Variants in ADIPOR2 observed in about 807,000 individuals in gnomAD.
ADIPOR2 encodes adiponectin receptor protein 2.
Under a neutral mutation model 40.9 loss-of-function variants are expected in ADIPOR2, and 18 were observed. That is an observed-to-expected ratio of 0.44 (90% confidence interval 0.30 to 0.65). The LOEUF is 0.65. Ranked by LOEUF, ADIPOR2 falls within the 30% of genes least tolerant of loss-of-function variation. ADIPOR2 has a pLI of 0.09. For missense variants in ADIPOR2, 283 were observed against 479.2 expected, an observed-to-expected ratio of 0.59 and a Z score of 3.82; for synonymous variants, 165 against 166.4, an observed-to-expected ratio of 0.99 and a Z score of 0.06.
chr12:1,755,828 C>T (rs118185878), intron 2 of ADIPOR2, among the ~76,000 whole-genome samples: 2,241 of 151,942 alleles, frequency 0.015, 21 homozygotes, highest in Middle Eastern at 0.051. Context: ...AATTAAAGAT[C>T]AAAATAGAAT....
intron 1 of ADIPOR2, among the ~76,000 whole-genome samples, chr12:1,715,520 G>A (rs1165118106): frequency 6.6e-6 from 1 of 152,106 alleles, no homozygotes; most frequent in African/African-American, 2.4e-5. Flanking sequence ...TCTCAACCCC[G>A]AGTTATCGTG....
chr12:1,732,087 G>A (rs2094721737), intron 1 of ADIPOR2, among the ~76,000 whole-genome samples: 1 of 151,580 alleles, frequency 6.6e-6, no homozygotes, highest in African/African-American at 2.4e-5. Context: ...ATATCTACCC[G>A]CTGCTTGGTA....
intron 1 of ADIPOR2, among the ~76,000 whole-genome samples, chr12:1,710,777 A>G (rs767784012): frequency 2.0e-5 from 3 of 152,102 alleles, no homozygotes; most frequent in African/African-American, 7.3e-5. Flanking sequence ...AGGTCAGCCA[A>G]AGGTTCAGTG....
rs1316256640 is a variant in ADIPOR2 at position 1,786,338 on chromosome 12, G to C, written c.*266G>C. Reference sequence around the variant, plus strand: ...CTTATTCTTGGGATCTACTGATTGCGGGCTCTGCAAGACCCTTGGCAAACT... The same window carrying C: ...CTTATTCTTGGGATCTACTGATTGCCGGCTCTGCAAGACCCTTGGCAAACT... On this transcript the variant is annotated 3_prime_UTR_variant, in exon 8 of 8. Transcript: ENST00000357103. 2.5e-5 allele frequency: 10 copies of C among 399,918 alleles called. No homozygotes were observed. The highest frequency in any genetic ancestry group is 4.4e-5 in the Non-Finnish European group (10 of 225,112). 24.8% of individuals were successfully genotyped at this position (399,918 alleles called of 1,614,324 possible).
At position 1,755,113 on chromosome 12, in the gene ADIPOR2, T is replaced by C. The variant is rs1442592160; in HGVS notation, c.171+599T>C. On this transcript the variant is annotated intron_variant, in intron 2 of 7. Transcript: ENST00000357103. ...TTTTAATTTCGGAGACGGAGTCTTG[T>C]TCTGTCGCCAGGCTGGAGTGCAGTG... Among the ~76,000 whole-genome samples the C allele has an allele frequency of 9.8e-3, 1,085 of 110,392 alleles. 8 individuals carry two copies. Among genetic ancestry groups the C allele is most frequent in the Middle Eastern group, 0.019 (4 of 212 alleles). 72.4% of individuals were successfully genotyped at this position (110,392 alleles called of 152,430 possible).
chr12:1,773,516 C>CTTTT (rs34995304), intron 3 of ADIPOR2, among the ~76,000 whole-genome samples: 1 of 123,718 alleles, frequency 8.1e-6, no homozygotes, highest in Non-Finnish European at 1.7e-5. Context: ...TTATGGGATT[C>CTTTT]TTTTTTTTTT....
In ADIPOR2 at chr12:1,766,501, AT is replaced by A. The variant is rs1216359724; in HGVS notation, c.172-6337del. ...TTTTTGCAATTTATATCAGTTTCAAATTTTGTGTAATGTTGTGTACTGGTTG... is the reference window on the plus strand; with the variant it reads ...TTTTTGCAATTTATATCAGTTTCAAATTTGTGTAATGTTGTGTACTGGTTG... On this transcript the variant is annotated intron_variant, in intron 2 of 7. Transcript: ENST00000357103. Among the ~76,000 whole-genome samples, 5 of 152,152 alleles carry A rather than the reference AT, an allele frequency of 3.3e-5. No homozygotes were observed. The South Asian group carries it at 1.0e-3, about 32-fold the overall frequency.
intron 1 of ADIPOR2, among the ~76,000 whole-genome samples, chr12:1,739,048 T>A (rs1484062075): frequency 6.6e-6 from 1 of 152,158 alleles, no homozygotes; most frequent in Non-Finnish European, 1.5e-5. Flanking sequence ...TTAAAAAAAC[T>A]TCAAAAAATT....
chr12:1,739,375 CCT>C (rs2154442854), intron 1 of ADIPOR2, among the ~76,000 whole-genome samples: 1 of 152,236 alleles, frequency 6.6e-6, no homozygotes, highest in Admixed American at 6.5e-5. Context: ...TTGAGATTTC[CCT>C]CTCTGAAAGT....
At chr12:1,744,566 A>G (rs972576438) in intron 1 of ADIPOR2, among the ~76,000 whole-genome samples, 3 of 148,046 alleles carry the variant, frequency 2.0e-5, no homozygotes, top group African/African-American at 7.6e-5. Flanking sequence ...TGAACTCCTG[A>G]CCTCAAGTGA....
chr12:1,754,216 G>A lies in ADIPOR2; in HGVS notation c.-86-42G>A, dbSNP rs1592613048. On this transcript the variant is annotated intron_variant, in intron 1 of 7. Coordinates refer to ENST00000357103, the MANE Select transcript of ADIPOR2 (RefSeq NM_024551.3). ...GATAATATAACTGATATTTTCCCCAGCACTCCTTTAATGCATTTTTTCAAA... is the reference window on the plus strand; with the variant it reads ...GATAATATAACTGATATTTTCCCCAACACTCCTTTAATGCATTTTTTCAAA... 3.6e-6 allele frequency: 3 copies of A among 825,838 alleles called. No individual in the cohort carries two copies. The East Asian group carries it at 8.6e-5, about 24-fold the overall frequency. 51.2% of individuals were successfully genotyped at this position (825,838 alleles called of 1,614,324 possible). A position where few individuals can be genotyped will look rare whatever the true frequency, so the allele number is the denominator to read the frequency against.
chr12:1,786,150 C>G lies in ADIPOR2; in HGVS notation c.*78C>G, dbSNP rs575883583. The G allele has an allele frequency of 1.4e-5, 22 of 1,546,286 alleles. No homozygotes were observed. The South Asian group carries it at 2.4e-4, about 17-fold the overall frequency. The stretch of plus-strand genomic sequence containing the variant: ...CGGGCCTCCCTGCTGGCTACTGATG[C>G]CAGTACCAGAGGAGCCCCAAAACTT... On this transcript the variant is annotated 3_prime_UTR_variant, in exon 8 of 8. Transcript: ENST00000357103.
chr12:1,740,682 G>A (rs1330809995), intron 1 of ADIPOR2, among the ~76,000 whole-genome samples: 1 of 152,244 alleles, frequency 6.6e-6, no homozygotes, highest in African/African-American at 2.4e-5. Context: ...AGCAGATCTT[G>A]AGGGTGTGTA....
At chr12:1,774,659 T>C (rs910176504) in intron 3 of ADIPOR2, among the ~76,000 whole-genome samples, 2 of 152,254 alleles carry the variant, frequency 1.3e-5, no homozygotes, top group Non-Finnish European at 2.9e-5. Context: ...TTTACCAGCA[T>C]AACCAGGTCC....
intron 2 of ADIPOR2, among the ~76,000 whole-genome samples, chr12:1,754,794 A>G (rs953626352): frequency 6.6e-6 from 1 of 151,852 alleles, no homozygotes; most frequent in Admixed American, 6.6e-5. Flanking sequence ...GTGCAGTAGC[A>G]TGATCTCGGC....
At chr12:1,724,104 C>T (rs1207766392) in intron 1 of ADIPOR2, among the ~76,000 whole-genome samples, 5 of 152,018 alleles carry the variant, frequency 3.3e-5, no homozygotes, top group Admixed American at 3.3e-4. Context: ...GCCTCAGCCT[C>T]CCTAGTGGCT....
intron 1 of ADIPOR2, among the ~76,000 whole-genome samples, chr12:1,720,601 C>G (rs891288278): frequency 1.3e-5 from 2 of 152,066 alleles, no homozygotes; most frequent in African/African-American, 4.8e-5. Context: ...GTTCAGGCTT[C>G]TATGAGAATC....
At chr12:1,742,216 C>G (rs1407858797) in intron 1 of ADIPOR2, among the ~76,000 whole-genome samples, 1 of 152,182 alleles carries the variant, frequency 6.6e-6, no homozygotes, top group Admixed American at 6.5e-5. Context: ...CCTCAGTGTC[C>G]TGAGTAGTTG....
intron 1 of ADIPOR2, among the ~76,000 whole-genome samples, chr12:1,738,596 C>A (rs1050645401): frequency 3.3e-5 from 5 of 152,082 alleles, no homozygotes; most frequent in Non-Finnish European, 5.9e-5. Flanking sequence ...TAAATGAATT[C>A]TCCAGCCAGC....
Sources: gnomAD v4.1 joint callset for allele counts (sites outside exome capture counted in the v4.1 genomes callset) on GRCh38, gnomAD v4.1.1 for gene constraint, MANE v1.5 for transcripts, NCBI Gene and HGNC (gene_info 2026-07-23, HGNC 2026-07-21) for gene names.